Variants in VAT1L observed in about 807,000 individuals in gnomAD.
VAT1L encodes putative NADPH-dependent quinone oxidoreductase VAT1L.
In VAT1L, 34 loss-of-function variants were observed where a neutral mutation model predicts 44.1. The ratio of observed to expected loss-of-function variants is 0.77; its 90% CI spans 0.59 to 1.03. The LOEUF is 1.03. Ranked by LOEUF, VAT1L falls within the 50% of genes least tolerant of loss-of-function variation. VAT1L has a pLI of 0.00. For synonymous variants in VAT1L, 253 were observed against 202.2 expected (o/e 1.25, Z -2.13); for missense variants, 615 against 538.8 (o/e 1.14, Z -1.40).
chr16:77,974,180 C>T (rs2018310413), intron 8 of VAT1L, among the ~76,000 whole-genome samples: 1 of 152,074 alleles, frequency 6.6e-6, no homozygotes, highest in African/African-American at 2.4e-5. Flanking sequence ...TTACTAAGTT[C>T]CAGGGCTGTT....
At chr16:77,946,408 C>T (rs545171736) in intron 7 of VAT1L, among the ~76,000 whole-genome samples, 2 of 151,260 alleles carry the variant, frequency 1.3e-5, no homozygotes, top group South Asian at 4.2e-4. Flanking sequence ...CTTAGACTCC[C>T]GAGTAGCTGG....
chr16:77,837,551 G>A (rs73577009), intron 3 of VAT1L, among the ~76,000 whole-genome samples: 13,134 of 152,110 alleles, frequency 0.086, 1,800 homozygotes, highest in African/African-American at 0.29. Context: ...GTGCTGCTTC[G>A]GAAATATTTG....
chr16:77,891,345 CTCCGTCTAA>C (rs2017263685), intron 7 of VAT1L, among the ~76,000 whole-genome samples: 1 of 152,142 alleles, frequency 6.6e-6, no homozygotes, highest in African/African-American at 2.4e-5. Flanking sequence ...CAGAGCAAGA[CTCCGTCTAA>C]AAAAACAAAC....
intron 1 of VAT1L, among the ~76,000 whole-genome samples, chr16:77,802,615 A>AACACACACACACACACACACAC (rs57906062): frequency 1.8e-5 from 2 of 111,970 alleles, no homozygotes; most frequent in Non-Finnish European, 3.7e-5. Context: ...CCCCATCTCA[A>AACACACACACACACACACACAC]ACACACACAC....
chr16:77,855,209 A>G (rs8044271), intron 3 of VAT1L, among the ~76,000 whole-genome samples: 83,129 of 151,846 alleles, frequency 0.55, 23,219 homozygotes, highest in East Asian at 0.76. Context: ...GCATGGTGCC[A>G]CGTGCCTGCA....
chr16:77,869,374 G>C (rs2017007333), intron 4 of VAT1L, among the ~76,000 whole-genome samples: 1 of 152,192 alleles, frequency 6.6e-6, no homozygotes, highest in Admixed American at 6.5e-5. Flanking sequence ...GCTCCATTGA[G>C]TACAAAGCCA....
chr16:77,835,411 G>A (rs2016628859), intron 3 of VAT1L, among the ~76,000 whole-genome samples: 1 of 152,050 alleles, frequency 6.6e-6, no homozygotes, highest in Non-Finnish European at 1.5e-5. Context: ...CATGGCCCCT[G>A]TGGCTGTCCC....
At chr16:77,957,870 C>T (rs569144938) in intron 7 of VAT1L, among the ~76,000 whole-genome samples, 3 of 151,650 alleles carry the variant, frequency 2.0e-5, no homozygotes, top group African/African-American at 7.3e-5. Context: ...GTTACTTTAA[C>T]CCCTCATTCT....
intron 1 of VAT1L, among the ~76,000 whole-genome samples, chr16:77,795,887 G>A (rs560307246): frequency 1.4e-5 from 2 of 140,852 alleles, no homozygotes; most frequent in East Asian, 2.2e-4. Flanking sequence ...GTGCAGTGGC[G>A]CAATTTCGGC....
intron 7 of VAT1L, among the ~76,000 whole-genome samples, chr16:77,935,840 C>T (rs2017788969): frequency 6.6e-6 from 1 of 152,070 alleles, no homozygotes; most frequent in South Asian, 2.1e-4. Flanking sequence ...TTTTTTCATT[C>T]ATTAAATTGG....
intron 2 of VAT1L, among the ~76,000 whole-genome samples, chr16:77,819,061 G>A (rs763641480): frequency 7.9e-5 from 12 of 152,042 alleles, no homozygotes; most frequent in South Asian, 6.2e-4. Flanking sequence ...AAATGTGCCT[G>A]CCTCTGGACT....
Position 77,845,985 on chromosome 16 carries a change from C to T in VAT1L, c.580-16763C>T, listed in dbSNP as rs2016754836. ...ATGTGTGCAATTATCCCGGGTCTTC[C>T]TGTGCTAGAGGGGTCTTCTTGAAAT... On this transcript the variant is annotated intron_variant, in intron 3 of 8. Coordinates refer to ENST00000302536, the MANE Select transcript of VAT1L (RefSeq NM_020927.3). Among the ~76,000 whole-genome samples, 3 of 152,146 alleles carry T rather than the reference C, an allele frequency of 2.0e-5. No homozygotes were observed. In the South Asian group the frequency reaches 6.2e-4, roughly 32 times the overall value.
At chr16:77,964,926 G>A (rs1430764955) in intron 7 of VAT1L, among the ~76,000 whole-genome samples, 5 of 151,730 alleles carry the variant, frequency 3.3e-5, no homozygotes, top group Non-Finnish European at 7.4e-5. Flanking sequence ...GAGTAGCTGG[G>A]ATTACAGGCA....
intron 7 of VAT1L, among the ~76,000 whole-genome samples, chr16:77,903,515 C>G (rs561821332): frequency 6.6e-6 from 1 of 152,052 alleles, no homozygotes; most frequent in Non-Finnish European, 1.5e-5. Flanking sequence ...AAGACTTATT[C>G]TAAGCCAAGC....
At chr16:77,955,268 T>C (rs2018089890) in intron 7 of VAT1L, among the ~76,000 whole-genome samples, 1 of 152,208 alleles carries the variant, frequency 6.6e-6, no homozygotes, top group Admixed American at 6.5e-5. Context: ...CATTTGGCAA[T>C]GCCTGGAAGC....
chr16:77,962,664 C>G (rs984042854), intron 7 of VAT1L, among the ~76,000 whole-genome samples: 3 of 151,074 alleles, frequency 2.0e-5, no homozygotes, highest in Non-Finnish European at 4.4e-5. Flanking sequence ...AGGAGGACGG[C>G]TTCAATCCAG....
rs1275349977 is a variant in VAT1L, at chr16:77,883,894, G to A, written c.883-714G>A. Among the ~76,000 whole-genome samples the A allele has an allele frequency of 3.3e-5, 5 of 152,226 alleles. No individual in the cohort carries two copies. In the South Asian group the frequency reaches 8.3e-4, roughly 25 times the overall value. On this transcript the variant is annotated intron_variant, in intron 6 of 8. Transcript: ENST00000302536. ...TCCATCATGTTCCCCACCACATTGTGTAAACTTTTCTGCCATCCTAGTTCC... is the reference window on the plus strand; with the variant it reads ...TCCATCATGTTCCCCACCACATTGTATAAACTTTTCTGCCATCCTAGTTCC...
chr16:77,881,174 G>C (rs577990352), intron 6 of VAT1L, among the ~76,000 whole-genome samples: 1 of 152,210 alleles, frequency 6.6e-6, no homozygotes, highest in Non-Finnish European at 1.5e-5. Context: ...CCCAACAGGG[G>C]ATTGCTGCTT....
intron 7 of VAT1L, among the ~76,000 whole-genome samples, chr16:77,889,184 C>T (rs1034543241): frequency 4.6e-5 from 7 of 152,140 alleles, no homozygotes; most frequent in Admixed American, 4.6e-4. Flanking sequence ...GAATATAAAG[C>T]CCACAGGGAT....
Sources: gnomAD v4.1 joint callset for allele counts (sites outside exome capture counted in the v4.1 genomes callset) on GRCh38, gnomAD v4.1.1 for gene constraint, MANE v1.5 for transcripts, NCBI Gene and HGNC (gene_info 2026-07-23, HGNC 2026-07-21) for gene names.